The following TMPRSS6 variants were observed in gnomAD, a reference collection of about 807,000 sequenced individuals.
TMPRSS6 encodes transmembrane protease serine 6.
In TMPRSS6, 67 loss-of-function variants were observed where a neutral mutation model predicts 101.5. The ratio of observed to expected loss-of-function variants is 0.66; its 90% CI spans 0.54 to 0.81. The LOEUF is 0.81. Among genes scored for constraint, TMPRSS6 ranks in the 30% least tolerant of loss-of-function variants. The pLI is 0.00. For synonymous variants in TMPRSS6, 453 were observed against 464.9 expected, an observed-to-expected ratio of 0.97 and a Z score of 0.33; for missense variants, 1,034 against 1,088.7, an observed-to-expected ratio of 0.95 and a Z score of 0.71.
chr22:37,069,371 T>A lies in TMPRSS6; in HGVS notation c.1842-27A>T. The A allele has an allele frequency of 5.2e-6, 1 of 192,564 alleles. No homozygotes were observed. 11.9% of individuals were successfully genotyped at this position (192,564 alleles called of 1,614,324 possible). A position where few individuals can be genotyped will look rare whatever the true frequency, so the allele number is the denominator to read the frequency against. On this transcript the variant is annotated intron_variant, in intron 15 of 17. Transcript: ENST00000676104. This position sits in a 1 kb window ranked among gnomAD's most constrained non-coding sequence, Gnocchi z 4.8. ...TGGGGTGGGGTGGGGTGGGGTGGGGTGGGGTGAGGTGAGGTGGGAGGAAGC... is the reference window on the plus strand; with the variant it reads ...TGGGGTGGGGTGGGGTGGGGTGGGGAGGGGTGAGGTGAGGTGGGAGGAAGC...
chr22:37,074,809 G>T, intron 11 of TMPRSS6, 101 bp from the exon 12 acceptor site: 2 of 1,259,942 alleles, frequency 1.6e-6, no homozygotes, highest in Non-Finnish European at 2.3e-6. Context: ...TCACTCACAC[G>T]CGCATGGACA....
intron 10 of TMPRSS6, among the ~76,000 whole-genome samples, chr22:37,078,987 A>AAGAAAGAAAGAAAG (rs2146084733): frequency 6.7e-6 from 1 of 148,830 alleles, no homozygotes; most frequent in African/African-American, 2.6e-5. Context: ...GAAAGAAAGA[A>AAGAAAGAAAGAAAG]AGAAAGAAAG....
At chr22:37,078,706 GAAGGAGGAGGCGGAGGAGA>G (rs1302180478) in intron 10 of TMPRSS6, among the ~76,000 whole-genome samples, 3 of 89,814 alleles carry the variant, frequency 3.3e-5, no homozygotes, top group Middle Eastern at 4.8e-3. Flanking sequence ...AGAGGAAGAG[GAAGGAGGAGGCGGAGGAGA>G]AGAAGAAGAA....
intron 10 of TMPRSS6, among the ~76,000 whole-genome samples, chr22:37,075,973 A>AAAAG (rs559447397): frequency 6.6e-5 from 10 of 151,342 alleles, no homozygotes; most frequent in Admixed American, 3.9e-4. Flanking sequence ...GAGGGAGGGA[A>AAAAG]AAAGAAAGAA....
chr22:37,081,106 C>G (rs1406274508), intron 10 of TMPRSS6, among the ~76,000 whole-genome samples: 2 of 152,248 alleles, frequency 1.3e-5, no homozygotes, highest in Non-Finnish European at 2.9e-5. Flanking sequence ...GAAGGCAGTA[C>G]AGGCACCTGC....
intron 2 of TMPRSS6, among the ~76,000 whole-genome samples, chr22:37,100,180 T>A (rs1930180313): frequency 1.3e-5 from 2 of 152,382 alleles, no homozygotes; most frequent in South Asian, 4.1e-4. Flanking sequence ...TTGGTCAGGC[T>A]GGTCTCGAAC....
intron 2 of TMPRSS6, among the ~76,000 whole-genome samples, chr22:37,099,770 A>C (rs1414373718): frequency 6.6e-6 from 1 of 152,088 alleles, no homozygotes; most frequent in Non-Finnish European, 1.5e-5. Flanking sequence ...CTGTGGAAAG[A>C]ATGTCCCAGG....
intron 17 of TMPRSS6, 112 bp from the exon 18 acceptor site, chr22:37,066,350 T>A (rs1051552219): frequency 1.5e-5 from 17 of 1,105,956 alleles, no homozygotes; most frequent in Non-Finnish European, 1.7e-5. Context: ...GGTGCCAGAG[T>A]CACGTTCAGT....
chr22:37,074,031 G>A (rs1460795880), intron 12 of TMPRSS6, among the ~76,000 whole-genome samples: 5 of 152,170 alleles, frequency 3.3e-5, no homozygotes, highest in African/African-American at 1.2e-4. Flanking sequence ...TTACAGGCAT[G>A]AGCCACTGCG....
At position 37,089,752 on chromosome 22, in the gene TMPRSS6, C is replaced by A. The variant is rs753917102; in HGVS notation, c.662G>T (p.Gly221Val). Residue 221 changes from glycine to valine, a missense_variant, in exon 7 of 18, where the codon GGC becomes GTC. Gly to Val is a moderately radical substitution (Grantham distance 109, BLOSUM62 -3). Transcript: ENST00000676104. ...AGGCCCCTTCAGCCGGAGGACCTGG[C>A]CCTGGCCCACGTAGCTGTAGCGGTA... is the stretch of plus-strand genomic sequence containing the variant. ...GCYRYSYVGQ[G>V]QVLRLKGPDH... 1.2e-6 allele frequency: 2 copies of A among 1,612,498 alleles called. No individual in the cohort carries two copies. The highest frequency in any genetic ancestry group is 4.5e-5 in the East Asian group (2 of 44,862).
chr22:37,069,545 C>G lies in TMPRSS6; in HGVS notation c.1842-201G>C, dbSNP rs1926695579. On this transcript the variant is annotated intron_variant, in intron 15 of 17. Transcript: ENST00000676104. The surrounding 1 kb of genome is among the most constrained non-coding windows in gnomAD (Gnocchi z 4.8). ...ACCCACTCGGCCTGCCTGGGTTCCA[C>G]GCCCCAGCTTCATCCCTCCCTAGAC... Among the ~76,000 whole-genome samples, 1 of 152,206 alleles carries G rather than the reference C, an allele frequency of 6.6e-6. No homozygotes were observed. The highest frequency in any genetic ancestry group is 2.1e-4 in the South Asian group (1 of 4,834).
chr22:37,096,569 T>TGTTTCAATG, intron 4 of TMPRSS6, 79 bp downstream of exon 4: 1 of 1,465,822 alleles, frequency 6.8e-7, no homozygotes, highest in Non-Finnish European at 9.4e-7. Context: ...AGGCATTGCA[T>TGTTTCAATG]CAGAAGCCTA....
rs200721473 is a variant in TMPRSS6, at chr22:37,095,871, G to A, written c.589+35C>T. 1,163 of 1,612,914 alleles carry A rather than the reference G, an allele frequency of 7.2e-4. 1 individual carries two copies. The highest frequency in any genetic ancestry group is 8.6e-4 in the Non-Finnish European group (1,012 of 1,179,088). On this transcript the variant is annotated intron_variant, in intron 5 of 17. Coordinates refer to ENST00000676104, the MANE Select transcript of TMPRSS6 (RefSeq NM_001374504.1). ...CACAGCTTGTTTCCCCCAACCTCAT[G>A]AGGCCAACCCCACGTTTCCACTCGC... is the stretch of plus-strand genomic sequence containing the variant.
intron 4 of TMPRSS6, 137 bp from the exon 5 acceptor site, chr22:37,096,227 C>G: frequency 1.0e-6 from 1 of 977,806 alleles, no homozygotes. Flanking sequence ...CTCCTAGCGA[C>G]CTCTGAAGGA....
chr22:37,087,557 G>A (rs368578855), intron 7 of TMPRSS6, among the ~76,000 whole-genome samples: 2 of 152,100 alleles, frequency 1.3e-5, no homozygotes, highest in Admixed American at 1.3e-4. Context: ...TGCCAGGGGA[G>A]GGAGGTGGCC....
chr22:37,095,815 A>T, intron 5 of TMPRSS6, 91 bp downstream of exon 5: 1 of 1,531,268 alleles, frequency 6.5e-7, no homozygotes, highest in Non-Finnish European at 9.0e-7. Context: ...ACAGCACCCC[A>T]GGCCTGGCAG....
At chr22:37,097,063 C>G (rs1347165383) in intron 3 of TMPRSS6, among the ~76,000 whole-genome samples, 1 of 150,192 alleles carries the variant, frequency 6.7e-6, no homozygotes, top group Non-Finnish European at 1.5e-5. Context: ...GACAAGCCAG[C>G]AGCTCTGATG....
At chr22:37,098,971 A>G (rs1026842736) in intron 2 of TMPRSS6, among the ~76,000 whole-genome samples, 1 of 152,188 alleles carries the variant, frequency 6.6e-6, no homozygotes, top group Non-Finnish European at 1.5e-5. Context: ...CACCTACTAC[A>G]TGGGGTACGC....
intron 10 of TMPRSS6, chr22:37,082,493 G>A (rs964317616): frequency 7.3e-5 from 12 of 163,556 alleles, no homozygotes; most frequent in Non-Finnish European, 1.6e-4. Context: ...GTGAATCATG[G>A]ATCCATCTCA....
Sources: allele counts gnomAD v4.1 joint callset (sites outside exome capture counted in the v4.1 genomes callset), GRCh38; gene constraint gnomAD v4.1.1; non-coding constraint Gnocchi (gnomAD v3.1); transcripts MANE v1.5; gene names NCBI Gene and HGNC (gene_info 2026-07-23, HGNC 2026-07-21).